The following SKAP2 variants were observed in gnomAD, a reference collection of about 807,000 sequenced individuals.
The protein encoded by SKAP2 is src kinase associated phosphoprotein 2, also known as src kinase-associated phosphoprotein 2.
In SKAP2, 28 loss-of-function variants were observed where a neutral mutation model predicts 54.9. The observed-to-expected ratio is 0.51, with a 90% CI of 0.38 to 0.70. The LOEUF (loss-of-function observed/expected upper bound fraction) is 0.70. SKAP2 is among the 30% of genes least tolerant of loss of function. The probability of loss-of-function intolerance (pLI) is 0.00; values close to 1 mark genes in which losing one functional copy is unlikely to be tolerated. For synonymous variants in SKAP2, 137 were observed against 134.3 expected (o/e 1.02, Z -0.14); for missense variants, 356 against 424.1 (o/e 0.84, Z 1.41).
At chr7:26,714,252 T>A (rs921969406) in intron 9 of SKAP2, among the ~76,000 whole-genome samples, 4 of 152,134 alleles carry the variant, frequency 2.6e-5, no homozygotes, top group African/African-American at 9.7e-5. Flanking sequence ...AGATTTGGGA[T>A]CTAGTCCAAA....
intron 1 of SKAP2, among the ~76,000 whole-genome samples, chr7:26,859,170 T>A (rs1584431436): frequency 6.6e-6 from 1 of 151,896 alleles, no homozygotes; most frequent in Non-Finnish European, 1.5e-5. Flanking sequence ...CTCTCTACAT[T>A]GTGAATTGGG....
At chr7:26,829,804 G>A (rs1005418891) in intron 4 of SKAP2, among the ~76,000 whole-genome samples, 3 of 152,102 alleles carry the variant, frequency 2.0e-5, no homozygotes. Flanking sequence ...TCGCTGGCTG[G>A]AACATAAAAT....
At chr7:26,828,405 C>T (rs567391905) in intron 4 of SKAP2, among the ~76,000 whole-genome samples, 65 of 152,246 alleles carry the variant, frequency 4.3e-4, no homozygotes, top group African/African-American at 1.3e-3. Flanking sequence ...AGGCCGGGCG[C>T]GGTGGCTAAC....
chr7:26,727,845 T>C (rs1787740452), intron 6 of SKAP2, among the ~76,000 whole-genome samples: 1 of 152,156 alleles, frequency 6.6e-6, no homozygotes, highest in South Asian at 2.1e-4. Flanking sequence ...AGAAAAACTA[T>C]ACAGCTATAG....
chr7:26,776,777 T>C (rs1783319818), intron 4 of SKAP2, among the ~76,000 whole-genome samples: 1 of 152,186 alleles, frequency 6.6e-6, no homozygotes, highest in Admixed American at 6.6e-5. Context: ...CTATCACAAA[T>C]CTGATATGTC....
chr7:26,739,349 T>G (rs2127961283), intron 5 of SKAP2, among the ~76,000 whole-genome samples: 1 of 152,358 alleles, frequency 6.6e-6, no homozygotes, highest in East Asian at 1.9e-4. Flanking sequence ...AAAGACTGTC[T>G]GCTTTTCATT....
intron 4 of SKAP2, among the ~76,000 whole-genome samples, chr7:26,826,142 C>CAT (rs1491482576): frequency 6.6e-6 from 1 of 151,672 alleles, no homozygotes; most frequent in African/African-American, 2.4e-5. Flanking sequence ...CACACACACA[C>CAT]GCCACAGTGA....
intron 4 of SKAP2, among the ~76,000 whole-genome samples, chr7:26,833,360 C>T (rs1254111000): frequency 6.8e-6 from 1 of 146,292 alleles, no homozygotes; most frequent in Admixed American, 7.1e-5. Context: ...CGCGCCACTG[C>T]ACCCCAGCCT....
chr7:26,853,902 T>C (rs1237932104), intron 3 of SKAP2, among the ~76,000 whole-genome samples: 1 of 152,144 alleles, frequency 6.6e-6, no homozygotes, highest in Non-Finnish European at 1.5e-5. Context: ...AACCTAAGAA[T>C]GTTAAATGCC....
At chr7:26,695,287 AT>A (rs1484571422) in intron 9 of SKAP2, among the ~76,000 whole-genome samples, 1 of 152,206 alleles carries the variant, frequency 6.6e-6, no homozygotes, top group African/African-American at 2.4e-5. Flanking sequence ...CTGTCCAGGC[AT>A]TATTTAATAT....
chr7:26,726,021 C>T (rs2127956076), intron 7 of SKAP2, 35 bp from the exon 8 acceptor site: 2 of 1,366,004 alleles, frequency 1.5e-6, no homozygotes, highest in Non-Finnish European at 2.1e-6. Context: ...CGAAAATCAC[C>T]ATAGTAGGAA....
chr7:26,719,541 T>A (rs1369994720), intron 9 of SKAP2, among the ~76,000 whole-genome samples: 3 of 152,180 alleles, frequency 2.0e-5, no homozygotes, highest in African/African-American at 2.4e-5. Flanking sequence ...GTCTTTTCCT[T>A]CAGCCTCAAA....
At chr7:26,673,159 G>A (rs988088560) in intron 11 of SKAP2, among the ~76,000 whole-genome samples, 1 of 152,126 alleles carries the variant, frequency 6.6e-6, no homozygotes, top group Middle Eastern at 3.4e-3. Context: ...CCAGGCTGTT[G>A]TCTAAATCTT....
At chr7:26,841,508 A>T (rs1435720098) in intron 4 of SKAP2, among the ~76,000 whole-genome samples, 1 of 152,052 alleles carries the variant, frequency 6.6e-6, no homozygotes, top group Non-Finnish European at 1.5e-5. Context: ...AATCAAGTCG[A>T]AGCATCACTG....
chr7:26,822,678 A>G, intron 4 of SKAP2, among the ~76,000 whole-genome samples: 1 of 151,296 alleles, frequency 6.6e-6, no homozygotes, highest in Non-Finnish European at 1.5e-5. Context: ...GATCGAGACC[A>G]TCCTGGCTAA....
chr7:26,657,613 T>C, the SKAP2 span, among the ~76,000 whole-genome samples: 1 of 152,052 alleles, frequency 6.6e-6, no homozygotes, highest in African/African-American at 2.4e-5. Flanking sequence ...CACTGCAGTC[T>C]CATAAAGCAG....
chr7:26,793,074 T>C (rs528055144), intron 4 of SKAP2, among the ~76,000 whole-genome samples: 47 of 152,342 alleles, frequency 3.1e-4, no homozygotes, highest in African/African-American at 1.1e-3. Context: ...TGACATAGTG[T>C]TTGCTAGAAA....
At chr7:26,674,157 T>TA (rs150814086) in intron 11 of SKAP2, among the ~76,000 whole-genome samples, 3,971 of 152,148 alleles carry the variant, frequency 0.026, 169 homozygotes, top group African/African-American at 0.09. Flanking sequence ...TTTGCAATGT[T>TA]AAAAAAAATT....
intron 4 of SKAP2, among the ~76,000 whole-genome samples, chr7:26,804,738 CAA>C (rs11306463): frequency 0.013 from 1,179 of 87,368 alleles, 4 homozygotes; most frequent in South Asian, 0.05. Flanking sequence ...GACCCCGTCT[CAA>C]AAAAAAAAAA....
Sources: allele counts gnomAD v4.1 joint callset (sites outside exome capture counted in the v4.1 genomes callset), GRCh38; gene constraint gnomAD v4.1.1; transcripts MANE v1.5; gene names NCBI Gene and HGNC (gene_info 2026-07-23, HGNC 2026-07-21).